The following SVIL variants were observed in gnomAD, a reference collection of about 807,000 sequenced individuals.
SVIL encodes supervillin.
In SVIL, 101 loss-of-function variants were observed where a neutral mutation model predicts 240.4. The ratio of observed to expected loss-of-function variants is 0.42; its 90% CI spans 0.36 to 0.50. The LOEUF is 0.50. Among genes scored for constraint, SVIL ranks in the 20% least tolerant of loss-of-function variants. The pLI is 0.01. For missense variants in SVIL, 2,512 were observed against 2,818.7 expected (o/e 0.89, Z 2.46); for synonymous variants, 999 against 1,100.0 (o/e 0.91, Z 1.82).
Position 29,473,933 on chromosome 10 carries a change from C to T in SVIL, c.5434G>A (p.Val1812Ile), listed in dbSNP as rs762726751. Residue 1812 changes from valine to isoleucine, a missense_variant, in exon 30 of 38, where the codon GTC becomes ATC. Coordinates refer to ENST00000355867, the MANE Select transcript of SVIL (RefSeq NM_021738.3). ...TGCCGGCCTTGCCAGAAGAAGTAGA[C>T]GCACTTCTCTTTGCCGGCTGCCCTC... Reference protein sequence around the residue: ...SVRAAGKEKCVYFFWQGRHST... With the variant: ...SVRAAGKEKCIYFFWQGRHST... 1.4e-5 allele frequency: 23 copies of T among 1,613,946 alleles called. No homozygotes were observed. The highest frequency in any genetic ancestry group is 2.2e-5 in the East Asian group (1 of 44,890).
At chr10:29,475,496 T>C (rs1485294232) in intron 29 of SVIL, 2 of 152,194 alleles carry the variant, frequency 1.3e-5, no homozygotes, top group African/African-American at 2.4e-5. Flanking sequence ...TTTGTTCTAA[T>C]AAACAAAGAG....
chr10:29,624,032 G>A (rs910298246), intron 1 of SVIL, among the ~76,000 whole-genome samples: 2 of 152,152 alleles, frequency 1.3e-5, no homozygotes, highest in Non-Finnish European at 2.9e-5. Context: ...AGGTACTCCT[G>A]TTGTTAAGCA....
intron 1 of SVIL, among the ~76,000 whole-genome samples, chr10:29,624,280 G>A (rs373085423): frequency 2.0e-5 from 3 of 151,998 alleles, no homozygotes; most frequent in East Asian, 1.9e-4. Flanking sequence ...GCTCACACAT[G>A]TAATCCCAAC....
chr10:29,642,982 G>A (rs1249336952), intron 3 of SVIL, among the ~76,000 whole-genome samples: 3 of 152,126 alleles, frequency 2.0e-5, no homozygotes, highest in Non-Finnish European at 2.9e-5. Context: ...CACTGCACCC[G>A]GCCGCTCTCT....
intron 6 of SVIL, among the ~76,000 whole-genome samples, chr10:29,536,970 C>G (rs1306957721): frequency 6.8e-6 from 1 of 146,682 alleles, no homozygotes; most frequent in African/African-American, 2.5e-5. Context: ...CCCACAAATA[C>G]CAGGCAATTC....
chr10:29,648,653 C>T (rs1354840051), intron 3 of SVIL, among the ~76,000 whole-genome samples: 6 of 152,154 alleles, frequency 3.9e-5, no homozygotes, highest in Non-Finnish European at 8.8e-5. Context: ...ATCAAGAAAT[C>T]AAAGTGCCCT....
Position 29,533,752 on chromosome 10 carries a change from G to A in SVIL, c.909-294C>T, listed in dbSNP as rs563421361. On this transcript the variant is annotated intron_variant, in intron 7 of 37. Coordinates refer to ENST00000355867, the MANE Select transcript of SVIL (RefSeq NM_021738.3). ...TCCCTTCTGACTAAATAAATACCCA[G>A]AAGCCACAGAAAAATGCGTTAATAT... Among the ~76,000 whole-genome samples the A allele has an allele frequency of 3.7e-4, 57 of 152,224 alleles. No individual in the cohort carries two copies. The East Asian group carries it at 8.7e-3, about 23-fold the overall frequency.
At chr10:29,576,412 A>G (rs1001270965) in intron 1 of SVIL, among the ~76,000 whole-genome samples, 2 of 152,178 alleles carry the variant, frequency 1.3e-5, no homozygotes, top group African/African-American at 4.8e-5. Flanking sequence ...TAACCTATTA[A>G]CTTCTAATTT....
chr10:29,586,047 C>A (rs1368029495), intron 1 of SVIL, among the ~76,000 whole-genome samples: 1 of 152,348 alleles, frequency 6.6e-6, no homozygotes, highest in African/African-American at 2.4e-5. Flanking sequence ...TCTTCACTAA[C>A]TTTCAGCTAC....
intron 1 of SVIL, among the ~76,000 whole-genome samples, chr10:29,729,471 GT>G (rs1964479585): frequency 6.7e-6 from 1 of 148,636 alleles, no homozygotes; most frequent in Non-Finnish European, 1.5e-5. Flanking sequence ...GTGTGTGTGT[GT>G]GTGTGTGTGT....
intron 3 of SVIL, among the ~76,000 whole-genome samples, chr10:29,642,468 ACC>A (rs879538929): frequency 0.29 from 8,526 of 29,004 alleles, 451 homozygotes; most frequent in African/African-American, 0.49. Flanking sequence ...AGAAAGAAAG[ACC>A]GACCCCTAAT....
Position 29,559,464 on chromosome 10 carries a change from A to T in SVIL, c.-51+3737T>A, listed in dbSNP as rs1954254481. On this transcript the variant is annotated intron_variant, in intron 3 of 37. Transcript: ENST00000355867. Reference sequence around the variant, plus strand: ...GTATTTCTTAACAAAAAAGAATAAGAATGCTTTTCAAAATTAGGTTCACCA... The same window carrying T: ...GTATTTCTTAACAAAAAAGAATAAGTATGCTTTTCAAAATTAGGTTCACCA... Among the ~76,000 whole-genome samples the T allele has an allele frequency of 2.0e-5, 3 of 152,316 alleles. No individual in the cohort carries two copies. In the South Asian group the frequency reaches 6.2e-4, roughly 32 times the overall value.
intron 2 of SVIL, among the ~76,000 whole-genome samples, chr10:29,668,044 T>C (rs1959466057): frequency 6.6e-6 from 1 of 152,124 alleles, no homozygotes; most frequent in South Asian, 2.1e-4. Context: ...CTTTACTAAC[T>C]CCCAGGTCCA....
Position 29,563,091 on chromosome 10 carries a change from C to T in SVIL, c.-51+110G>A, listed in dbSNP as rs934544066. The T allele has an allele frequency of 5.8e-5, 12 of 205,724 alleles. No individual in the cohort carries two copies. The East Asian group carries it at 1.5e-3, about 26-fold the overall frequency. 12.7% of individuals were successfully genotyped at this position (205,724 alleles called of 1,614,324 possible). A position where few individuals can be genotyped will look rare whatever the true frequency, so the allele number is the denominator to read the frequency against. On this transcript the variant is annotated intron_variant, in intron 3 of 37. Coordinates refer to ENST00000355867, the MANE Select transcript of SVIL (RefSeq NM_021738.3). Reference sequence around the variant, plus strand: ...AATTCTGGGAGGAGGCAGGAAGGGCCGAAAGGAGACTGTAAGCTGGAGGTT... The same window carrying T: ...AATTCTGGGAGGAGGCAGGAAGGGCTGAAAGGAGACTGTAAGCTGGAGGTT...
chr10:29,461,486 G>A (rs1378723749), intron 36 of SVIL, among the ~76,000 whole-genome samples: 3 of 151,894 alleles, frequency 2.0e-5, no homozygotes, highest in South Asian at 2.1e-4. Context: ...AAAATTACTC[G>A]AATTTCCTAT....
intron 1 of SVIL, among the ~76,000 whole-genome samples, chr10:29,578,087 C>T (rs368764470): frequency 5.0e-4 from 76 of 152,080 alleles, no homozygotes; most frequent in African/African-American, 1.6e-3. Context: ...ATCAATTACA[C>T]GAGCAAACCA....
chr10:29,658,572 A>G (rs948688698), intron 2 of SVIL, among the ~76,000 whole-genome samples: 6 of 152,148 alleles, frequency 3.9e-5, no homozygotes, highest in Admixed American at 6.6e-5. Flanking sequence ...GTCTGCAACA[A>G]AGTGAAACCC....
Position 29,522,343 on chromosome 10 carries a change from GT to G in SVIL, c.3389+66del. ...CATCTCTTTGCCCATCACCGAGATTGTTTTCTAAAAGCAAGCTGTAAGCTCC... is the reference window on the plus strand; with the variant it reads ...CATCTCTTTGCCCATCACCGAGATTGTTTCTAAAAGCAAGCTGTAAGCTCC... On this transcript the variant is annotated intron_variant, in intron 16 of 37. Coordinates refer to ENST00000355867, the MANE Select transcript of SVIL (RefSeq NM_021738.3). 4 of 1,497,624 alleles carry G rather than the reference GT, an allele frequency of 2.7e-6. No individual in the cohort carries two copies. In the South Asian group the frequency reaches 4.6e-5, roughly 17 times the overall value. 92.8% of individuals were successfully genotyped at this position (1,497,624 alleles called of 1,614,324 possible). A position where few individuals can be genotyped will look rare whatever the true frequency, so the allele number is the denominator to read the frequency against.
intron 28 of SVIL, among the ~76,000 whole-genome samples, chr10:29,481,017 C>G (rs924028593): frequency 5.9e-5 from 9 of 152,132 alleles, no homozygotes; most frequent in African/African-American, 2.2e-4. Flanking sequence ...CACAACAGCA[C>G]ATGGGTGCCT....
Sources: allele counts gnomAD v4.1 joint callset (sites outside exome capture counted in the v4.1 genomes callset), GRCh38; gene constraint gnomAD v4.1.1; transcripts MANE v1.5; gene names NCBI Gene and HGNC (gene_info 2026-07-23, HGNC 2026-07-21).